Variants in DYRK4 observed in about 807,000 individuals in gnomAD.
DYRK4 encodes the protein dual specificity tyrosine phosphorylation regulated kinase 4, also known as dual specificity tyrosine-phosphorylation-regulated kinase 4.
In DYRK4, 64 loss-of-function variants were observed where a neutral mutation model predicts 68.3. The ratio of observed to expected loss-of-function variants is 0.94; its 90% CI spans 0.77 to 1.15. The LOEUF is 1.15. Among genes scored for constraint, DYRK4 ranks in the 50% most tolerant of loss-of-function variants. DYRK4 has a pLI of 0.00. For synonymous variants in DYRK4, 274 were observed against 289.9 expected (o/e 0.95, Z 0.56); for missense variants, 740 against 764.7 (o/e 0.97, Z 0.38).
At chr12:4,582,502 C>T (rs1944853769) in intron 2 of DYRK4, among the ~76,000 whole-genome samples, 1 of 152,082 alleles carries the variant, frequency 6.6e-6, no homozygotes, top group Non-Finnish European at 1.5e-5. Flanking sequence ...TCTTATATAC[C>T]AGAAGAAGAA....
chr12:4,600,315 G>A (rs1387939707), intron 10 of DYRK4, among the ~76,000 whole-genome samples: 2 of 151,964 alleles, frequency 1.3e-5, no homozygotes, highest in Admixed American at 6.6e-5. Context: ...TAGAGAACAC[G>A]TACCATTCAA....
At chr12:4,606,675 C>T (rs139153764) in intron 11 of DYRK4, among the ~76,000 whole-genome samples, 208 of 152,232 alleles carry the variant, frequency 1.4e-3, no homozygotes, top group African/African-American at 4.2e-3. Context: ...CCAAAGAGAA[C>T]GGGGCCTATG....
At chr12:4,607,265 C>T (rs998187452) in intron 11 of DYRK4, 62 bp from the exon 12 acceptor site, 2 of 1,597,690 alleles carry the variant, frequency 1.3e-6, no homozygotes, top group Non-Finnish European at 1.7e-6. Flanking sequence ...GTACGCTCCA[C>T]CCCTCAGCCT....
Position 4,565,719 on chromosome 12 carries a change from G to A in DYRK4, c.39-2236G>A, listed in dbSNP as rs569452824. 4.0e-5 allele frequency among the ~76,000 whole-genome samples: 6 copies of A among 151,894 alleles called. No individual in the cohort carries two copies. The East Asian group carries it at 5.8e-4, about 15-fold the overall frequency. Reference sequence around the variant, plus strand: ...CCGCTCACTGCAACCTCTGCCTTCCGGATTCAGGAGATTCTCCTGCCTCAT... The same window carrying A: ...CCGCTCACTGCAACCTCTGCCTTCCAGATTCAGGAGATTCTCCTGCCTCAT... On this transcript the variant is annotated intron_variant, in intron 1 of 14. Transcript: ENST00000543431.
chr12:4,579,767 C>T (rs1040792165), intron 2 of DYRK4, among the ~76,000 whole-genome samples: 2 of 152,206 alleles, frequency 1.3e-5, no homozygotes, highest in Non-Finnish European at 2.9e-5. Flanking sequence ...CTGAATGTCT[C>T]TATTGTCAGC....
intron 10 of DYRK4, chr12:4,602,933 A>G (rs1945097905): frequency 1.2e-6 from 1 of 840,980 alleles, no homozygotes; most frequent in African/African-American, 1.7e-5. Context: ...TAGTGGAGGA[A>G]CTTCCAGATC....
At chr12:4,611,567 T>C (rs1945221519) in intron 13 of DYRK4, among the ~76,000 whole-genome samples, 1 of 152,202 alleles carries the variant, frequency 6.6e-6, no homozygotes, top group Non-Finnish European at 1.5e-5. Context: ...GCCCCGTGTC[T>C]AGACTTTGTA....
chr12:4,602,773 T>C, intron 10 of DYRK4: 5 of 1,529,004 alleles, frequency 3.3e-6, no homozygotes. Flanking sequence ...CTACCAGTAT[T>C]GTCCTATCCT....
intron 2 of DYRK4, among the ~76,000 whole-genome samples, chr12:4,572,285 T>A (rs1173378708): frequency 6.6e-6 from 1 of 152,130 alleles, no homozygotes; most frequent in Non-Finnish European, 1.5e-5. Flanking sequence ...GTCATGGACT[T>A]TTTTTTGTTT....
Position 4,599,185 on chromosome 12 carries a change from C to T in DYRK4, c.1044+19C>T, listed in dbSNP as rs751254947. 1 of 1,612,524 alleles carries T rather than the reference C, an allele frequency of 6.2e-7. No homozygotes were observed. The highest frequency in any genetic ancestry group is 1.3e-5 in the African/African-American group (1 of 74,828). On this transcript the variant is annotated intron_variant, in intron 9 of 14. Coordinates refer to ENST00000543431, the MANE Select transcript of DYRK4 (RefSeq NM_001394779.1). ...CAAGCCCGTGAGTACCATCTCCGTC[C>T]TGCCATGGACACACTCTGGAAATAC...
chr12:4,602,865 G>T, intron 10 of DYRK4: 1 of 1,081,826 alleles, frequency 9.2e-7, no homozygotes, highest in Non-Finnish European at 1.4e-6. Flanking sequence ...CACTGTGACA[G>T]TTTCCCAAAT....
chr12:4,582,101 T>A (rs956957996), intron 2 of DYRK4, among the ~76,000 whole-genome samples: 1 of 152,224 alleles, frequency 6.6e-6, no homozygotes, highest in African/African-American at 2.4e-5. Flanking sequence ...GGATGCTCTA[T>A]CTGTAATGCT....
chr12:4,580,632 TTC>T (rs1463763670), intron 2 of DYRK4, among the ~76,000 whole-genome samples: 1 of 152,182 alleles, frequency 6.6e-6, no homozygotes, highest in Non-Finnish European at 1.5e-5. Flanking sequence ...AAGAGTTTGT[TTC>T]TTTCTCCTGG....
chr12:4,591,482 G>A lies in DYRK4; in HGVS notation c.463+184G>A. On this transcript the variant is annotated intron_variant, in intron 5 of 14. Coordinates refer to ENST00000543431, the MANE Select transcript of DYRK4 (RefSeq NM_001394779.1). The surrounding 1 kb of genome is among the most constrained non-coding windows in gnomAD (Gnocchi z 4.1). ...ACTGTGGTAGTATAAGCAAGAGGCT[G>A]AATAGGAGGCTGAATTTCCCCCAAG... 1.2e-6 allele frequency: 1 copy of A among 802,988 alleles called. No homozygotes were observed. The highest frequency in any genetic ancestry group is 3.0e-5 in the Admixed American group (1 of 33,284). The allele number at this position is 802,988 out of a possible 1,614,324, so 49.7% of individuals were successfully genotyped here.
At chr12:4,612,826 G>A in intron 14 of DYRK4, 108 bp downstream of exon 14, 1 of 1,222,950 alleles carries the variant, frequency 8.2e-7, no homozygotes, top group Non-Finnish European at 1.2e-6. Flanking sequence ...CTGTAGTCTG[G>A]AAATTAAAAT....
chr12:4,564,669 A>G (rs1286626087), intron 1 of DYRK4, among the ~76,000 whole-genome samples: 1 of 152,182 alleles, frequency 6.6e-6, no homozygotes, highest in Admixed American at 6.5e-5. Context: ...TGTTTTATTT[A>G]TCTTTGAATC....
intron 6 of DYRK4, among the ~76,000 whole-genome samples, chr12:4,594,048 G>T (rs1034799601): frequency 6.6e-6 from 1 of 152,144 alleles, no homozygotes. Flanking sequence ...ACCACACTTT[G>T]AGAAGCAAGG....
At chr12:4,594,469 C>A (rs1944993488) in intron 6 of DYRK4, among the ~76,000 whole-genome samples, 1 of 152,160 alleles carries the variant, frequency 6.6e-6, no homozygotes, top group East Asian at 1.9e-4. Flanking sequence ...GGCGATCCAT[C>A]CGTCTTGGCC....
At chr12:4,602,298 C>T in intron 10 of DYRK4, 3 of 980,952 alleles carry the variant, frequency 3.1e-6, no homozygotes, top group Non-Finnish European at 3.2e-6. Context: ...TGCCATTCTC[C>T]CTCTTTTTTT....
Sources: allele counts gnomAD v4.1 joint callset (sites outside exome capture counted in the v4.1 genomes callset), GRCh38; gene constraint gnomAD v4.1.1; non-coding constraint Gnocchi (gnomAD v3.1); transcripts MANE v1.5; gene names NCBI Gene and HGNC (gene_info 2026-07-23, HGNC 2026-07-21).